CHKA: variants seen among roughly 807,000 people sequenced by gnomAD.
CHKA encodes the protein CHETK-alpha.
Under a neutral mutation model 60.1 loss-of-function variants are expected in CHKA, and 34 were observed. The observed-to-expected ratio is 0.57, with a 90% CI of 0.43 to 0.75. The LOEUF (loss-of-function observed/expected upper bound fraction) is 0.75, where lower values mean the gene tolerates loss of function less well. CHKA is among the 30% of genes least tolerant of loss of function. The pLI is 0.00. For synonymous variants in CHKA, 217 were observed against 223.1 expected (o/e 0.97, Z 0.24); for missense variants, 563 against 561.3 (o/e 1.00, Z -0.03).
At chr11:68,101,323 C>A (rs1400911921) in intron 1 of CHKA, among the ~76,000 whole-genome samples, 2 of 151,964 alleles carry the variant, frequency 1.3e-5, no homozygotes, top group African/African-American at 4.8e-5. Context: ...GCCAGAAAAA[C>A]AAGGCAAGAG....
chr11:68,101,220 T>A (rs959270474), intron 1 of CHKA, among the ~76,000 whole-genome samples: 1 of 152,086 alleles, frequency 6.6e-6, no homozygotes, highest in Admixed American at 6.6e-5. Context: ...AGTGCTGGGA[T>A]TACAGGCGTG....
chr11:68,080,422 A>G (rs910870882), intron 3 of CHKA, among the ~76,000 whole-genome samples: 1 of 151,638 alleles, frequency 6.6e-6, no homozygotes, highest in African/African-American at 2.4e-5. Flanking sequence ...ATCTCGGTCT[A>G]CTGCAACCTC....
At chr11:68,057,744 C>G (rs142383578) in intron 11 of CHKA, among the ~76,000 whole-genome samples, 1 of 152,204 alleles carries the variant, frequency 6.6e-6, no homozygotes, top group Non-Finnish European at 1.5e-5. Context: ...TCAGTTTTTT[C>G]TCCACATGAC....
chr11:68,066,728 G>C (rs940742667), intron 7 of CHKA, among the ~76,000 whole-genome samples: 5 of 152,224 alleles, frequency 3.3e-5, no homozygotes, highest in African/African-American at 1.2e-4. Flanking sequence ...ACCTGGCCAT[G>C]AGAACCCCTG....
At chr11:68,114,326 T>C (rs1159753245) in intron 1 of CHKA, among the ~76,000 whole-genome samples, 4 of 152,226 alleles carry the variant, frequency 2.6e-5, no homozygotes, top group Admixed American at 6.5e-5. Flanking sequence ...AGTAGATGAA[T>C]GGATAAATAA....
chr11:68,083,210 G>C (rs567655940), intron 2 of CHKA, among the ~76,000 whole-genome samples: 1 of 152,076 alleles, frequency 6.6e-6, no homozygotes, highest in Non-Finnish European at 1.5e-5. Flanking sequence ...GGTATAGCAC[G>C]AGGCAAGTGA....
At chr11:68,065,547 A>T (rs1423149104) in intron 9 of CHKA, among the ~76,000 whole-genome samples, 28 of 152,046 alleles carry the variant, frequency 1.8e-4, no homozygotes, top group Non-Finnish European at 1.5e-5. Context: ...AAAAAATACA[A>T]ACAATTAGCT....
chr11:68,103,499 C>T (rs1447844404), intron 1 of CHKA, among the ~76,000 whole-genome samples: 1 of 152,046 alleles, frequency 6.6e-6, no homozygotes, highest in East Asian at 1.9e-4. Context: ...AACCCTTACA[C>T]ACTGTTGATG....
At chr11:68,079,176 A>G (rs1856892656) in intron 3 of CHKA, among the ~76,000 whole-genome samples, 1 of 152,092 alleles carries the variant, frequency 6.6e-6, no homozygotes. Flanking sequence ...CCAAGTGATC[A>G]GCTCACCTCA....
At chr11:68,060,032 C>CTTTTTTTTTTTT (rs377176560) in intron 11 of CHKA, among the ~76,000 whole-genome samples, 43,870 of 130,136 alleles carry the variant, frequency 0.34, 8,313 homozygotes, top group African/African-American at 0.39. Flanking sequence ...GAGTTTCACT[C>CTTTTTTTTTTTT]TTTTTTTTTT....
chr11:68,059,000 G>A (rs1054916321), intron 11 of CHKA, among the ~76,000 whole-genome samples: 5 of 152,100 alleles, frequency 3.3e-5, no homozygotes, highest in East Asian at 1.9e-4. Context: ...GGGTTCAAGC[G>A]ATTCTCCTGC....
chr11:68,054,423 C>T (rs1855926213), intron 11 of CHKA, among the ~76,000 whole-genome samples: 1 of 152,168 alleles, frequency 6.6e-6, no homozygotes, highest in Non-Finnish European at 1.5e-5. Context: ...AGCAAAAGAC[C>T]CCTGGGACAC....
At chr11:68,073,369 C>A (rs1309983843) in intron 4 of CHKA, among the ~76,000 whole-genome samples, 1 of 152,100 alleles carries the variant, frequency 6.6e-6, no homozygotes, top group East Asian at 1.9e-4. Flanking sequence ...AACTTATCAT[C>A]TCGGCCGGGC....
chr11:68,083,807 C>T (rs1857064641), intron 2 of CHKA, among the ~76,000 whole-genome samples: 1 of 152,166 alleles, frequency 6.6e-6, no homozygotes, highest in Admixed American at 6.5e-5. Flanking sequence ...AATATCCAGC[C>T]CTCTGTTCTG....
chr11:68,065,707 TAAAAA>T (rs1215755624), intron 9 of CHKA, 74 bp downstream of exon 9: 13 of 1,035,740 alleles, frequency 1.3e-5, no homozygotes, highest in Non-Finnish European at 1.8e-5. Context: ...CCTCAAAAAA[TAAAAA>T]AGAAGATGTA....
chr11:68,116,987 G>A (rs1858411128), intron 1 of CHKA, among the ~76,000 whole-genome samples: 1 of 152,106 alleles, frequency 6.6e-6, no homozygotes, highest in Admixed American at 6.6e-5. Context: ...ATCCAGTTCC[G>A]GTGTGCCAGG....
chr11:68,064,420 AG>A, intron 10 of CHKA, 104 bp downstream of exon 10: 5 of 552,432 alleles, frequency 9.1e-6, no homozygotes, highest in Non-Finnish European at 1.6e-5. Context: ...AAAAAAAAAA[AG>A]AAGAAGAAGC....
chr11:68,120,405 A>G (rs2153034374), intron 1 of CHKA, among the ~76,000 whole-genome samples: 1 of 152,320 alleles, frequency 6.6e-6, no homozygotes, highest in Non-Finnish European at 1.5e-5. Flanking sequence ...CGCGAACTCG[A>G]AAAACTAACA....
chr11:68,061,440 A>AG (rs1856244938), intron 11 of CHKA: 2 of 235,772 alleles, frequency 8.5e-6, no homozygotes, highest in Non-Finnish European at 1.8e-5. Context: ...ATGACAGCCT[A>AG]GCTTGGTTAC....
Sources: gnomAD v4.1 joint callset for allele counts (sites outside exome capture counted in the v4.1 genomes callset) on GRCh38, gnomAD v4.1.1 for gene constraint, MANE v1.5 for transcripts, NCBI Gene and HGNC (gene_info 2026-07-23, HGNC 2026-07-21) for gene names.